The following REDIC1 variants were observed in gnomAD, a reference collection of about 807,000 sequenced individuals.
REDIC1 encodes the protein HEI10 Interacting Protein 1.
the REDIC1 span, among the ~76,000 whole-genome samples, chr12:39,840,449 T>A: frequency 2.9e-3 from 439 of 152,158 alleles, 2 homozygotes; most frequent in African/African-American, 9.9e-3. Context: ...ACTCCTTTTA[T>A]GGCATCATTT....
the REDIC1 span, among the ~76,000 whole-genome samples, chr12:39,689,697 T>G: frequency 1.3e-5 from 2 of 152,142 alleles, no homozygotes; most frequent in African/African-American, 4.8e-5. Context: ...TAGAGAGGTT[T>G]GAGGAGTACT....
the REDIC1 span, among the ~76,000 whole-genome samples, chr12:39,880,299 T>G: frequency 1.3e-5 from 2 of 152,212 alleles, no homozygotes; most frequent in South Asian, 4.1e-4. Flanking sequence ...CATCAATAGC[T>G]TTAATAGAAA....
At chr12:39,781,103 C>T in the REDIC1 span, among the ~76,000 whole-genome samples, 2 of 152,008 alleles carry the variant, frequency 1.3e-5, no homozygotes, top group Non-Finnish European at 2.9e-5. Flanking sequence ...CTTTTTTTTA[C>T]TCACTTCCTG....
the REDIC1 span, among the ~76,000 whole-genome samples, chr12:39,694,052 C>T: frequency 2.0e-5 from 3 of 152,160 alleles, 1 homozygote; most frequent in Non-Finnish European, 4.4e-5. Flanking sequence ...TGAAGTTGAG[C>T]ATCTTTTAAA....
At chr12:39,829,785 G>A in the REDIC1 span, 193,188 of 298,592 alleles carry the variant, frequency 0.65, 64,040 homozygotes, top group African/African-American at 0.79. Flanking sequence ...GAAATACAGT[G>A]CAATTAAACA....
chr12:39,712,606 T>C, the REDIC1 span, among the ~76,000 whole-genome samples: 6 of 143,958 alleles, frequency 4.2e-5, no homozygotes, highest in East Asian at 2.0e-4. Flanking sequence ...TACATATATA[T>C]GTATATATAG....
At chr12:39,713,550 G>T in the REDIC1 span, among the ~76,000 whole-genome samples, 1 of 148,618 alleles carries the variant, frequency 6.7e-6, no homozygotes, top group Non-Finnish European at 1.5e-5. Flanking sequence ...ACGTATACAT[G>T]CGTGCATACA....
At chr12:39,684,524 T>C in the REDIC1 span, among the ~76,000 whole-genome samples, 1 of 152,230 alleles carries the variant, frequency 6.6e-6, no homozygotes, top group African/African-American at 2.4e-5. Context: ...TTGGCAAATT[T>C]GTATTTTTGT....
chr12:39,905,649 C>A, the REDIC1 span, among the ~76,000 whole-genome samples: 1 of 151,944 alleles, frequency 6.6e-6, no homozygotes. Flanking sequence ...AGGATGCTAT[C>A]CTTTAAGACA....
At chr12:39,764,065 T>C in the REDIC1 span, among the ~76,000 whole-genome samples, 1 of 152,110 alleles carries the variant, frequency 6.6e-6, no homozygotes, top group South Asian at 2.1e-4. Context: ...CTGGACGCTA[T>C]GCCTGTCACA....
chr12:39,835,502 G>C, the REDIC1 span, among the ~76,000 whole-genome samples: 2 of 152,066 alleles, frequency 1.3e-5, no homozygotes, highest in Non-Finnish European at 2.9e-5. Context: ...CTTTATAAAA[G>C]GAATTGCGGA....
chr12:39,842,662 T>C, the REDIC1 span, among the ~76,000 whole-genome samples: 1 of 152,076 alleles, frequency 6.6e-6, no homozygotes, highest in African/African-American at 2.4e-5. Flanking sequence ...ATTTTAACAA[T>C]GTTAAAGCTT....
the REDIC1 span, chr12:39,683,436 A>G: frequency 6.2e-7 from 1 of 1,602,318 alleles, no homozygotes; most frequent in Non-Finnish European, 8.5e-7. Flanking sequence ...AATGATTACC[A>G]AGAGAAGACA....
chr12:39,700,531 A>T, the REDIC1 span, among the ~76,000 whole-genome samples: 1 of 152,198 alleles, frequency 6.6e-6, no homozygotes, highest in Non-Finnish European at 1.5e-5. Context: ...TATCCAGCAG[A>T]ACTTCCCAAT....
chr12:39,785,116 A>G, the REDIC1 span, among the ~76,000 whole-genome samples: 2 of 152,186 alleles, frequency 1.3e-5, no homozygotes, highest in Non-Finnish European at 2.9e-5. Flanking sequence ...CCTAATGTGA[A>G]TCCCCAAGAC....
At chr12:39,668,265 G>A in the REDIC1 span, among the ~76,000 whole-genome samples, 3 of 151,998 alleles carry the variant, frequency 2.0e-5, no homozygotes, top group African/African-American at 7.3e-5. Flanking sequence ...AGGCCTGGTG[G>A]TGACAAAATC....
At chr12:39,766,775 T>A in the REDIC1 span, among the ~76,000 whole-genome samples, 1 of 152,122 alleles carries the variant, frequency 6.6e-6, no homozygotes, top group Admixed American at 6.6e-5. Context: ...CAGAAACTAC[T>A]TTCTTTGTTC....
At chr12:39,673,020 A>G in the REDIC1 span, among the ~76,000 whole-genome samples, 5 of 151,978 alleles carry the variant, frequency 3.3e-5, no homozygotes, top group Non-Finnish European at 7.4e-5. Context: ...TGTGGCCAGG[A>G]TTATAGGAGT....
the REDIC1 span, chr12:39,683,553 G>T: frequency 8.0e-7 from 1 of 1,250,670 alleles, no homozygotes; most frequent in Non-Finnish European, 1.1e-6. Context: ...ATGTTGAATT[G>T]ATGCAAAGTG....
Sources: gnomAD v4.1 joint callset for allele counts (sites outside exome capture counted in the v4.1 genomes callset) on GRCh38, gnomAD v4.1.1 for gene constraint, MANE v1.5 for transcripts, NCBI Gene and HGNC (gene_info 2026-07-23, HGNC 2026-07-21) for gene names.